The following GPT2 variants were observed in gnomAD, a reference collection of about 807,000 sequenced individuals.
The protein encoded by GPT2 is glutamic--pyruvic transaminase 2.
A neutral mutation model predicts 56.9 loss-of-function variants in GPT2; 30 were observed. That is an observed-to-expected ratio of 0.53 (90% CI 0.39 to 0.72). The LOEUF is 0.72. GPT2 is among the 30% of genes least tolerant of loss of function. The pLI is 0.00. For missense variants in GPT2, 542 were observed against 703.4 expected (o/e 0.77, Z 2.60); for synonymous variants, 271 against 283.1 (o/e 0.96, Z 0.43).
intron 7 of GPT2, among the ~76,000 whole-genome samples, chr16:46,917,236 G>C (rs1298748992): frequency 6.6e-6 from 1 of 152,122 alleles, no homozygotes; most frequent in Non-Finnish European, 1.5e-5. Flanking sequence ...GATTGGCCAG[G>C]CCCAGAGCAT....
Position 46,927,071 on chromosome 16 carries a change from G to A in GPT2, c.1481+34G>A, listed in dbSNP as rs374000534. ...TCCTCTCCGCACTAGGGGCTGGTCC[G>A]GGTCTTGTCCAGGGAAATGTGGACT... On this transcript the variant is annotated intron_variant, in intron 11 of 11. Coordinates refer to ENST00000340124, the MANE Select transcript of GPT2 (RefSeq NM_133443.4). 537 of 1,373,502 alleles carry A rather than the reference G, an allele frequency of 3.9e-4. 1 individual carries two copies. The highest frequency in any genetic ancestry group is 5.6e-4 in the Middle Eastern group (3 of 5,338). 85.1% of individuals were successfully genotyped at this position (1,373,502 alleles called of 1,614,324 possible).
At chr16:46,897,607 A>G in intron 2 of GPT2, 41 bp from the exon 3 acceptor site, 1 of 1,586,354 alleles carries the variant, frequency 6.3e-7, no homozygotes, top group Non-Finnish European at 8.7e-7. Flanking sequence ...CCAGGGTTTA[A>G]GAGTTTCTAA....
At chr16:46,905,232 A>G (rs1181030314) in intron 4 of GPT2, among the ~76,000 whole-genome samples, 1 of 151,880 alleles carries the variant, frequency 6.6e-6, no homozygotes, top group Admixed American at 6.6e-5. Flanking sequence ...GATTTTTTTT[A>G]GAGATGGGGT....
At position 46,928,971 on chromosome 16, in the gene GPT2, A is replaced by G. The variant is rs747067364; in HGVS notation, c.1546A>G (p.Ile516Val). 6 of 1,614,158 alleles carry G rather than the reference A, an allele frequency of 3.7e-6. No homozygotes were observed. Among genetic ancestry groups the G allele is most frequent in the Non-Finnish European group, 5.1e-6 (6 of 1,179,984 alleles). The change falls in exon 12 of 12, where the codon ATC becomes GTC. Residue 516 changes from isoleucine (I) to valine (V), a missense_variant. Ile to Val is a conservative substitution (Grantham distance 29). Transcript: ENST00000340124. Reference protein sequence around the residue: ...TVLQKVKDFHINFLEKYA With the variant: ...TVLQKVKDFHVNFLEKYA Reference sequence around the variant, plus strand: ...GCTGCAGAAGGTGAAAGACTTCCACATCAACTTCCTGGAGAAGTACGCGTG... The same window carrying G: ...GCTGCAGAAGGTGAAAGACTTCCACGTCAACTTCCTGGAGAAGTACGCGTG...
intron 4 of GPT2, among the ~76,000 whole-genome samples, chr16:46,903,947 A>T (rs1030493198): frequency 6.6e-6 from 1 of 152,214 alleles, no homozygotes; most frequent in Admixed American, 6.5e-5. Context: ...TTAAGGGGAA[A>T]CGTGGCATTC....
intron 4 of GPT2, among the ~76,000 whole-genome samples, chr16:46,902,202 T>G (rs1567336390): frequency 6.6e-6 from 1 of 152,202 alleles, no homozygotes; most frequent in Non-Finnish European, 1.5e-5. Context: ...TGTGTCCCTG[T>G]GAGTTCCCTC....
chr16:46,914,657 C>T (rs527610306), intron 6 of GPT2, among the ~76,000 whole-genome samples: 30 of 152,306 alleles, frequency 2.0e-4, no homozygotes, highest in African/African-American at 7.2e-4. Context: ...AAGCTGGTGC[C>T]CAGGCCCATT....
At chr16:46,886,494 A>G (rs1016966322) in intron 2 of GPT2, among the ~76,000 whole-genome samples, 3 of 152,214 alleles carry the variant, frequency 2.0e-5, no homozygotes, top group Admixed American at 6.5e-5. Flanking sequence ...TCTGAGCCTG[A>G]GTCCCCTTCC....
Position 46,927,022 on chromosome 16 carries a change from G to A in GPT2, c.1466G>A (p.Gly489Asp), listed in dbSNP as rs1961430424. The change falls in exon 11 of 12, where the codon GGC becomes GAC. Residue 489 changes from glycine (G) to aspartate (D), a missense_variant. By Grantham distance (94) the Gly-to-Asp change is moderately conservative (BLOSUM62 -1). Coordinates refer to ENST00000340124, the MANE Select transcript of GPT2 (RefSeq NM_133443.4). ...GGCAGTGGCTTTGGGCAGAGGGAAG[G>A]CACTTACCACTTCAGGTATGACTTC... ...VPGSGFGQRE[G>D]TYHFRMTILP... 6.3e-7 allele frequency: 1 copy of A among 1,599,800 alleles called. No homozygotes were observed. Among genetic ancestry groups the A allele is most frequent in the Non-Finnish European group, 8.5e-7 (1 of 1,173,972 alleles).
At chr16:46,887,660 G>A (rs560870300) in intron 2 of GPT2, among the ~76,000 whole-genome samples, 3 of 152,132 alleles carry the variant, frequency 2.0e-5, no homozygotes, top group South Asian at 2.1e-4. Flanking sequence ...TGTCCTTGGG[G>A]ACTCAGGGTG....
chr16:46,926,890 C>A, intron 10 of GPT2, 35 bp from the exon 11 acceptor site: 1 of 1,402,104 alleles, frequency 7.1e-7, no homozygotes, highest in Non-Finnish European at 9.6e-7. Context: ...GTTTGCAAAG[C>A]CAGGAATGAT....
Position 46,918,601 on chromosome 16 carries a change from T to C in GPT2, c.901-20T>C, listed in dbSNP as rs1596630588. On this transcript the variant is annotated intron_variant, in intron 7 of 11. Transcript: ENST00000340124. ...CTCTTTGAGGACCCTTTGGTGACCGTCCCTGCCGTGCCCCCGCAGGTGTAC... is the reference window on the plus strand; with the variant it reads ...CTCTTTGAGGACCCTTTGGTGACCGCCCCTGCCGTGCCCCCGCAGGTGTAC... 3.7e-6 allele frequency: 6 copies of C among 1,613,400 alleles called. No individual in the cohort carries two copies. Among genetic ancestry groups the C allele is most frequent in the Non-Finnish European group, 5.1e-6 (6 of 1,179,526 alleles).
intron 7 of GPT2, among the ~76,000 whole-genome samples, chr16:46,917,705 C>A (rs1269531451): frequency 1.3e-5 from 2 of 152,108 alleles, no homozygotes; most frequent in African/African-American, 4.8e-5. Context: ...CACGCATACA[C>A]ACACAGACAT....
At chr16:46,905,457 G>C (rs767306741) in intron 4 of GPT2, among the ~76,000 whole-genome samples, 3 of 152,092 alleles carry the variant, frequency 2.0e-5, no homozygotes, top group African/African-American at 4.8e-5. Context: ...CTGCCTCCTG[G>C]GGGTGGTTTT....
intron 5 of GPT2, among the ~76,000 whole-genome samples, chr16:46,908,600 G>C (rs1329156474): frequency 6.6e-6 from 1 of 152,066 alleles, no homozygotes; most frequent in South Asian, 2.1e-4. Context: ...GCTCTTATTG[G>C]AGCCCATGGG....
chr16:46,902,003 C>T (rs1220032673), intron 4 of GPT2, among the ~76,000 whole-genome samples: 1 of 152,230 alleles, frequency 6.6e-6, no homozygotes, highest in African/African-American at 2.4e-5. Flanking sequence ...TCCCAAAGAC[C>T]CCGTGGCCAT....
chr16:46,890,636 A>G (rs1391028527), intron 2 of GPT2, among the ~76,000 whole-genome samples: 1 of 152,208 alleles, frequency 6.6e-6, no homozygotes, highest in Non-Finnish European at 1.5e-5. Flanking sequence ...AGGGGGAGAC[A>G]AATATAATTG....
chr16:46,925,472 C>T (rs1383008914), intron 10 of GPT2, among the ~76,000 whole-genome samples: 3 of 152,110 alleles, frequency 2.0e-5, no homozygotes, highest in Admixed American at 6.5e-5. Context: ...CTGCCCACCT[C>T]GGCCTCCTGA....
chr16:46,892,342 A>T lies in GPT2; in HGVS notation c.244-5306A>T, dbSNP rs145546771. On this transcript the variant is annotated intron_variant, in intron 2 of 11. Coordinates refer to ENST00000340124, the MANE Select transcript of GPT2 (RefSeq NM_133443.4). ...TTTATCCATTCATCTACTGATGGAC[A>T]CTTAGGTTGGTTCCATATCTTGGCT... is the stretch of plus-strand genomic sequence containing the variant. Among the ~76,000 whole-genome samples, 191 of 152,304 alleles carry T rather than the reference A, an allele frequency of 1.3e-3. 1 individual carries two copies. Among genetic ancestry groups the T allele is most frequent in the African/African-American group, 4.4e-3 (184 of 41,568 alleles).
Sources: allele counts gnomAD v4.1 joint callset (sites outside exome capture counted in the v4.1 genomes callset), GRCh38; gene constraint gnomAD v4.1.1; transcripts MANE v1.5; gene names NCBI Gene and HGNC (gene_info 2026-07-23, HGNC 2026-07-21).